ZNF546: variants seen among roughly 807,000 people sequenced by gnomAD.
ZNF546 encodes CTC-471F3.6.
In ZNF546, 60 loss-of-function variants were observed where a neutral mutation model predicts 76.2. That is an observed-to-expected ratio of 0.79 (90% CI 0.64 to 0.98). ZNF546 has a LOEUF of 0.98. Ranked by LOEUF, ZNF546 falls within the 50% of genes least tolerant of loss-of-function variation. The pLI, the probability that ZNF546 is intolerant of heterozygous loss-of-function variation, is 0.00. For synonymous variants in ZNF546, 277 were observed against 328.1 expected (o/e 0.84, Z 1.68); for missense variants, 936 against 1,035.6 (o/e 0.90, Z 1.32).
At chr19:40,003,795 T>A (rs1971560877) in intron 3 of ZNF546, among the ~76,000 whole-genome samples, 1 of 152,032 alleles carries the variant, frequency 6.6e-6, no homozygotes, top group Non-Finnish European at 1.5e-5. Context: ...GCAGATCACC[T>A]GAGGTCAGGA....
intron 6 of ZNF546, among the ~76,000 whole-genome samples, chr19:40,013,114 A>G (rs112179433): frequency 0.019 from 2,866 of 152,162 alleles, 58 homozygotes; most frequent in African/African-American, 0.045. Context: ...CACCCGGCCT[A>G]TTTTACAATT....
At chr19:39,998,090 A>C (rs1971478450) in intron 2 of ZNF546, among the ~76,000 whole-genome samples, 158 bp from the exon 3 acceptor site, 1 of 152,238 alleles carries the variant, frequency 6.6e-6, no homozygotes, top group African/African-American at 2.4e-5. Context: ...TCACATCCCC[A>C]GGTACTTTCT....
intron 3 of ZNF546, among the ~76,000 whole-genome samples, chr19:40,004,838 T>C (rs1971583079): frequency 6.6e-6 from 1 of 152,094 alleles, no homozygotes; most frequent in Non-Finnish European, 1.5e-5. Flanking sequence ...TTTTCTCCAA[T>C]TTAGTATAGT....
At position 40,014,531 on chromosome 19, in the gene ZNF546, T is replaced by C; in HGVS notation, c.1261T>C (p.Ser421Pro). ...KPYECKECGK[S>P]FSFHAELARH... ...CTACGAATGTAAAGAATGTGGTAAG[T>C]CCTTTAGTTTTCATGCAGAACTTGC... is the stretch of plus-strand genomic sequence containing the variant. Residue 421 changes from serine (S) to proline (P), a missense_variant, in exon 7 of 7, where the codon TCC (serine) becomes CCC (proline). By Grantham distance (74) the Ser-to-Pro change is moderately conservative. Transcript: ENST00000347077. 1 of 1,613,084 alleles carries C rather than the reference T, an allele frequency of 6.2e-7. No homozygotes were observed. Among genetic ancestry groups the C allele is most frequent in the Non-Finnish European group, 8.5e-7 (1 of 1,179,812 alleles).
chr19:39,999,430 A>G (rs1355340177), intron 3 of ZNF546, among the ~76,000 whole-genome samples: 3 of 152,130 alleles, frequency 2.0e-5, no homozygotes, highest in African/African-American at 7.2e-5. Context: ...TTGGATATAG[A>G]TCTATTGTAT....
chr19:39,997,420 GGT>G (rs1174673237), intron 1 of ZNF546, among the ~76,000 whole-genome samples: 2 of 152,194 alleles, frequency 1.3e-5, no homozygotes, highest in Non-Finnish European at 2.9e-5. Context: ...CTGGCTCTCT[GGT>G]GTGTGTCACT....
intron 3 of ZNF546, among the ~76,000 whole-genome samples, chr19:39,998,923 C>T (rs1475840018): frequency 1.3e-5 from 2 of 152,192 alleles, no homozygotes; most frequent in East Asian, 3.9e-4. Flanking sequence ...CAGGCGCCTG[C>T]CACCATGCCT....
At chr19:40,013,573 A>G (rs1971698336) in intron 6 of ZNF546, 92 bp from the exon 7 acceptor site, 1 of 1,004,114 alleles carries the variant, frequency 1.0e-6, no homozygotes, top group Non-Finnish European at 1.4e-6. Flanking sequence ...TATTTCTACT[A>G]TGAGGTACAA....
chr19:40,003,033 C>CTTT (rs577843773), intron 3 of ZNF546, among the ~76,000 whole-genome samples: 6 of 106,312 alleles, frequency 5.6e-5, no homozygotes, highest in Admixed American at 1.1e-4. Context: ...TTTGATTTAA[C>CTTT]TTTTTTTTTT....
chr19:40,003,183 C>G (rs1971553655), intron 3 of ZNF546, among the ~76,000 whole-genome samples: 1 of 151,888 alleles, frequency 6.6e-6, no homozygotes, highest in African/African-American at 2.4e-5. Flanking sequence ...CTACAGGCGC[C>G]TGCCACCACG....
chr19:40,003,227 C>T (rs1008307715), intron 3 of ZNF546, among the ~76,000 whole-genome samples: 5 of 150,962 alleles, frequency 3.3e-5, no homozygotes, highest in African/African-American at 9.7e-5. Flanking sequence ...TTAGTAGAGA[C>T]GGGGTTTCAC....
At chr19:40,011,919 C>T (rs1971676123) in intron 6 of ZNF546, among the ~76,000 whole-genome samples, 1 of 152,148 alleles carries the variant, frequency 6.6e-6, no homozygotes, top group South Asian at 2.1e-4. Context: ...ACCCTTTTTC[C>T]ATATTAGGTC....
chr19:39,998,381 A>ATCAT lies in ZNF546; in HGVS notation c.58_61dup (p.Pro21HisfsTer34). The stretch of plus-strand genomic sequence containing the variant: ...TCCAAATGACTTTCTCATTTTTCAA[A>ATCAT]TCATTCCTCTGCACTCACTTTCTAT... On this transcript the variant is annotated frameshift_variant, in exon 3 of 7. Coordinates refer to ENST00000347077, the MANE Select transcript of ZNF546 (RefSeq NM_178544.5). LOFTEE classifies it high-confidence loss of function. 7 of 1,614,162 alleles carry ATCAT rather than the reference A, an allele frequency of 4.3e-6. No homozygotes were observed. The highest frequency in any genetic ancestry group is 5.9e-6 in the Non-Finnish European group (7 of 1,179,998).
chr19:40,001,999 A>G (rs1378060424), intron 3 of ZNF546, among the ~76,000 whole-genome samples: 2 of 152,206 alleles, frequency 1.3e-5, no homozygotes. Context: ...CAACAAACTA[A>G]CTGAAAAGTA....
chr19:40,014,128 T>C lies in ZNF546; in HGVS notation c.858T>C (p.Tyr286=). 1 of 1,613,172 alleles carries C rather than the reference T, an allele frequency of 6.2e-7. No individual in the cohort carries two copies. Among genetic ancestry groups the C allele is most frequent in the South Asian group, 1.1e-5 (1 of 91,024 alleles). ...GTGGGAAGGCCTTTAGACTTCATTA[T>C]CACCTTACTGAACATCAGAGAATAC... The part of the protein sequence containing the change: ...KECGKAFRLH[Y]HLTEHQRIHS... The change falls in exon 7 of 7, where the codon TAT becomes TAC. Residue 286 remains tyrosine, a synonymous_variant. Transcript: ENST00000347077.
rs773036676 is a variant in ZNF546 at position 40,014,138 on chromosome 19, G to A, written c.868G>A (p.Glu290Lys). 6 of 1,612,604 alleles carry A rather than the reference G, an allele frequency of 3.7e-6. No homozygotes were observed. The highest frequency in any genetic ancestry group is 5.1e-6 in the Non-Finnish European group (6 of 1,179,488). Reference sequence around the variant, plus strand: ...CTTTAGACTTCATTATCACCTTACTGAACATCAGAGAATACATTCTGGTGT... The same window carrying A: ...CTTTAGACTTCATTATCACCTTACTAAACATCAGAGAATACATTCTGGTGT... ...KAFRLHYHLT[E>K]HQRIHSGVKP... Residue 290 changes from glutamate (E) to lysine (K), a missense_variant, in exon 7 of 7, where the codon GAA becomes AAA. By Grantham distance (56) the Glu-to-Lys change is moderately conservative. Coordinates refer to ENST00000347077, the MANE Select transcript of ZNF546 (RefSeq NM_178544.5).
chr19:40,011,307 C>A (rs1164022749), intron 6 of ZNF546: 1 of 151,676 alleles, frequency 6.6e-6, no homozygotes, highest in Non-Finnish European at 1.5e-5. Context: ...CTCACTGCAA[C>A]CTCCACCTCC....
rs781590688 is a variant in ZNF546 at position 40,007,292 on chromosome 19, G to T, written c.190G>T (p.Asp64Tyr). The T allele has an allele frequency of 2.6e-6, 4 of 1,562,596 alleles. No homozygotes were observed. Among genetic ancestry groups the T allele is most frequent in the Non-Finnish European group, 3.5e-6 (4 of 1,151,810 alleles). Residue 64 changes from aspartate (D) to tyrosine (Y), a missense_variant, in exon 5 of 7, where the codon GAT (aspartate) becomes TAT (tyrosine). Transcript: ENST00000347077. ...ATTTCAGGTATCTTTGGCATTTAGG[G>T]ATGTGTCCATAGACCTCTCCCAAGA... ...TMANVSLAFR[D>Y]VSIDLSQEEW...
chr19:40,005,310 G>A (rs867960745), intron 3 of ZNF546, among the ~76,000 whole-genome samples: 1 of 150,388 alleles, frequency 6.6e-6, no homozygotes, highest in Non-Finnish European at 1.5e-5. Flanking sequence ...GTGAGCCACC[G>A]CGCCCGGCCT....
Sources: allele counts gnomAD v4.1 joint callset (sites outside exome capture counted in the v4.1 genomes callset), GRCh38; gene constraint gnomAD v4.1.1; transcripts MANE v1.5; gene names NCBI Gene and HGNC (gene_info 2026-07-23, HGNC 2026-07-21).